Variants in FREM2 observed in about 807,000 individuals in gnomAD.
FREM2 encodes FRAS1 related extracellular matrix 2.
In FREM2, 119 loss-of-function variants were observed where a neutral mutation model predicts 219.9. The ratio of observed to expected loss-of-function variants is 0.54; its 90% CI spans 0.47 to 0.63. The LOEUF (loss-of-function observed/expected upper bound fraction) is 0.63. FREM2 is among the 30% of genes least tolerant of loss of function. FREM2 has a pLI of 0.00. For missense variants in FREM2, 4,030 were observed against 3,993.6 expected (o/e 1.01, Z -0.25); for synonymous variants, 1,562 against 1,522.8 (o/e 1.03, Z -0.60).
intron 6 of FREM2, among the ~76,000 whole-genome samples, chr13:38,806,880 C>T (rs1207144117): frequency 2.0e-5 from 3 of 151,702 alleles, no homozygotes; most frequent in Non-Finnish European, 4.4e-5. Flanking sequence ...AAACTAAATC[C>T]TTTGTTGTCA....
chr13:38,848,380 A>G lies in FREM2; in HGVS notation c.6170-81A>G, dbSNP rs1877239504. Reference sequence around the variant, plus strand: ...CTATTTTTTAAAAGAAGAATTATAAACACAATTACATAATTTATGTCTTAT... The same window carrying G: ...CTATTTTTTAAAAGAAGAATTATAAGCACAATTACATAATTTATGTCTTAT... On this transcript the variant is annotated intron_variant, in intron 7 of 23. Transcript: ENST00000280481. The G allele has an allele frequency of 4.0e-6, 4 of 992,102 alleles. No individual in the cohort carries two copies. In the East Asian group the frequency reaches 7.5e-5, roughly 19 times the overall value. The allele number at this position is 992,102 out of a possible 1,614,324, so 61.5% of individuals were successfully genotyped here.
At chr13:38,695,496 A>G (rs922870950) in intron 1 of FREM2, among the ~76,000 whole-genome samples, 1 of 152,166 alleles carries the variant, frequency 6.6e-6, no homozygotes, top group African/African-American at 2.4e-5. Flanking sequence ...ACTATCCCTT[A>G]ACGATTACAA....
At chr13:38,711,145 G>A (rs775551278) in intron 2 of FREM2, among the ~76,000 whole-genome samples, 10 of 152,116 alleles carry the variant, frequency 6.6e-5, no homozygotes, top group Non-Finnish European at 1.3e-4. Flanking sequence ...TTACACCCTT[G>A]TCTTAATGTG....
intron 4 of FREM2, among the ~76,000 whole-genome samples, chr13:38,781,822 T>C (rs541861265): frequency 6.6e-6 from 1 of 152,256 alleles, no homozygotes; most frequent in South Asian, 2.1e-4. Context: ...AGCAGCCCCA[T>C]CACCACCTCT....
At chr13:38,735,886 C>A (rs1254707537) in intron 2 of FREM2, among the ~76,000 whole-genome samples, 1 of 152,146 alleles carries the variant, frequency 6.6e-6, no homozygotes, top group Non-Finnish European at 1.5e-5. Context: ...TGGGAATAAG[C>A]AGGAGTTAGT....
At chr13:38,857,785 T>A (rs2137918637) in intron 12 of FREM2, 90 bp from the exon 13 acceptor site, 2 of 1,122,762 alleles carry the variant, frequency 1.8e-6, no homozygotes, top group Admixed American at 1.7e-5. Flanking sequence ...GGCCATGGGG[T>A]TGCCAGGGAT....
chr13:38,798,649 T>G (rs1315139914), intron 6 of FREM2, among the ~76,000 whole-genome samples: 1 of 152,168 alleles, frequency 6.6e-6, no homozygotes, highest in Non-Finnish European at 1.5e-5. Context: ...TTGCCACACA[T>G]TATTGAACTG....
In FREM2 at chr13:38,853,903, T is replaced by G. The variant is rs570840816; in HGVS notation, c.6925+2035T>G. Among the ~76,000 whole-genome samples, 12 of 152,294 alleles carry G rather than the reference T, an allele frequency of 7.9e-5. No homozygotes were observed. In the South Asian group the frequency reaches 2.1e-3, roughly 26 times the overall value. ...ATGTTTTTCTTGGAAGTAAAATGAT[T>G]CCTTTTGCTAAACGGAAACAAAATT... On this transcript the variant is annotated intron_variant, in intron 11 of 23. Coordinates refer to ENST00000280481, the MANE Select transcript of FREM2 (RefSeq NM_207361.6).
intron 6 of FREM2, among the ~76,000 whole-genome samples, chr13:38,798,647 C>A (rs1359100524): frequency 6.6e-6 from 1 of 152,000 alleles, no homozygotes; most frequent in Non-Finnish European, 1.5e-5. Flanking sequence ...TCTTGCCACA[C>A]ATTATTGAAC....
intron 2 of FREM2, among the ~76,000 whole-genome samples, chr13:38,757,537 C>G (rs564389251): frequency 5.3e-5 from 8 of 152,084 alleles, no homozygotes; most frequent in South Asian, 2.1e-4. Flanking sequence ...CCATGTGTGT[C>G]GTGGTGCTGT....
At chr13:38,706,968 A>T (rs1870566468) in intron 2 of FREM2, among the ~76,000 whole-genome samples, 1 of 152,230 alleles carries the variant, frequency 6.6e-6, no homozygotes, top group South Asian at 2.1e-4. Flanking sequence ...CTTGCTTCAC[A>T]AATGTGGATT....
Position 38,764,299 on chromosome 13 carries a change from T to G in FREM2, c.5264-5T>G, listed in dbSNP as rs375059201. 218 of 1,608,654 alleles carry G rather than the reference T, an allele frequency of 1.4e-4. No individual in the cohort carries two copies. Among genetic ancestry groups the G allele is most frequent in the Admixed American group, 6.7e-4 (40 of 59,934 alleles). On this transcript the variant is annotated splice_region_variant and splice_polypyrimidine_tract_variant and intron_variant, in intron 2 of 23. Coordinates refer to ENST00000280481, the MANE Select transcript of FREM2 (RefSeq NM_207361.6). ...AATTTATGGCTTTAAATTTTTATTTTCAAGGTGGAAACAAGTTAACGTACC... is the reference window on the plus strand; with the variant it reads ...AATTTATGGCTTTAAATTTTTATTTGCAAGGTGGAAACAAGTTAACGTACC...
rs1176333556 is a variant in FREM2 at position 38,690,344 on chromosome 13, A to G, written c.3000A>G (p.Pro1000=). Reference sequence around the variant, plus strand: ...GGGAAATCTTGGTCAATGGCATTCCAGCAGAGCAGTTTACTCAAAGGGACA... The same window carrying G: ...GGGAAATCTTGGTCAATGGCATTCCGGCAGAGCAGTTTACTCAAAGGGACA... ...LYGEILVNGI[P]AEQFTQRDIL... Residue 1000 remains proline (P), a synonymous_variant, in exon 1 of 24, where the codon CCA becomes CCG. Coordinates refer to ENST00000280481, the MANE Select transcript of FREM2 (RefSeq NM_207361.6). 6.2e-7 allele frequency: 1 copy of G among 1,614,132 alleles called. No individual in the cohort carries two copies. Among genetic ancestry groups the G allele is most frequent in the Non-Finnish European group, 8.5e-7 (1 of 1,180,058 alleles).
rs763903628 is a variant in FREM2, at chr13:38,784,806, A to T, written c.6017A>T (p.Asp2006Val). 32 of 1,613,996 alleles carry T rather than the reference A, an allele frequency of 2.0e-5. No homozygotes were observed. Among genetic ancestry groups the T allele is most frequent in the Non-Finnish European group, 2.6e-5 (31 of 1,180,010 alleles). Residue 2006 changes from aspartate to valine, a missense_variant and splice_region_variant, in exon 6 of 24, where the codon GAT becomes GTT. By Grantham distance (152) the Asp-to-Val change is radical (BLOSUM62 -3). Coordinates refer to ENST00000280481, the MANE Select transcript of FREM2 (RefSeq NM_207361.6). ...GTTACAATCGTTCCTGACAAAGATG[A>T]TGGTGAGTACTAATTTACTTGAAAA... The part of the protein sequence containing the change: ...AQVTIVPDKD[D>V]EPIFYFGDVE...
At position 38,691,504 on chromosome 13, in the gene FREM2, A is replaced by G; in HGVS notation, c.4160A>G (p.Gln1387Arg). Residue 1387 changes from glutamine to arginine, a missense_variant, in exon 1 of 24, where the codon CAA (glutamine) becomes CGA (arginine). Coordinates refer to ENST00000280481, the MANE Select transcript of FREM2 (RefSeq NM_207361.6). The part of the protein sequence containing the change: ...RNLIQYVHLG[Q>R]EGIRDLIKFD... ...TTAATTCAGTATGTCCATTTGGGGC[A>G]AGAGGGCATTCGGGACCTAATTAAA... 6.2e-7 allele frequency: 1 copy of G among 1,614,172 alleles called. No homozygotes were observed. The highest frequency in any genetic ancestry group is 8.5e-7 in the Non-Finnish European group (1 of 1,180,024).
chr13:38,789,254 A>G (rs973385748), intron 6 of FREM2, among the ~76,000 whole-genome samples: 1 of 151,940 alleles, frequency 6.6e-6, no homozygotes, highest in South Asian at 2.1e-4. Context: ...ATTTTGGCCT[A>G]TTGTTTGGCT....
Position 38,864,496 on chromosome 13 carries a change from C to A in FREM2, c.7873C>A (p.Arg2625Ser), listed in dbSNP as rs115492820. Residue 2625 changes from arginine (R) to serine (S), a missense_variant, in exon 16 of 24, where the codon CGC becomes AGC. Arg to Ser is a moderately radical substitution (Grantham distance 110, BLOSUM62 -1). This residue lies in a region of FREM2 where 928 missense variants were observed against 1,042.9 expected (regional missense o/e 0.89). Transcript: ENST00000280481. ...SLSIRGSTTLRFYRNLNLEAC... is the reference protein window; with the variant it reads ...SLSIRGSTTLSFYRNLNLEAC... ...GTCCATCAGAGGTTCCACTACCTTG[C>A]GCTTCTACCGGAACCTGAACCTAGA... 672 of 1,614,106 alleles carry A rather than the reference C, an allele frequency of 4.2e-4. 2 individuals carry two copies. The highest frequency in any genetic ancestry group is 5.2e-4 in the Non-Finnish European group (619 of 1,179,922).
rs147970379 is a variant in FREM2, at chr13:38,772,000, TC to T, written c.5641+2195del. On this transcript the variant is annotated intron_variant, in intron 4 of 23. Coordinates refer to ENST00000280481, the MANE Select transcript of FREM2 (RefSeq NM_207361.6). ...ATTTTAAGAAATTGAGTATTTTTTT[TC>T]CCTTACAAAGGATCACTTTTCCCCC... Among the ~76,000 whole-genome samples the T allele has an allele frequency of 6.2e-3, 937 of 152,258 alleles. 16 individuals are homozygous for T. The highest frequency in any genetic ancestry group is 0.022 in the African/African-American group (898 of 41,546).
chr13:38,852,620 G>T (rs1414022899), intron 11 of FREM2, among the ~76,000 whole-genome samples: 2 of 151,540 alleles, frequency 1.3e-5, no homozygotes, highest in African/African-American at 4.8e-5. Flanking sequence ...TAACCACAGA[G>T]ACAATGAATT....
Sources: allele counts gnomAD v4.1 joint callset (sites outside exome capture counted in the v4.1 genomes callset), GRCh38; gene constraint gnomAD v4.1.1; regional missense constraint gnomAD v4.1.1; transcripts MANE v1.5; gene names NCBI Gene and HGNC (gene_info 2026-07-23, HGNC 2026-07-21).